Variants in CSMD2 observed in about 807,000 individuals in gnomAD.
CSMD2 encodes the protein CUB and sushi domain-containing protein 2.
In CSMD2, 130 loss-of-function variants were observed where a neutral mutation model predicts 398.5. That is an observed-to-expected ratio of 0.33 (90% CI 0.28 to 0.38). CSMD2 has a LOEUF of 0.38. CSMD2 is among the 10% of genes least tolerant of loss of function. CSMD2 has a pLI of 1.00. For missense variants in CSMD2, 3,829 were observed against 4,764.9 expected (o/e 0.80, Z 5.78); for synonymous variants, 1,828 against 1,908.5 (o/e 0.96, Z 1.10).
At chr1:33,942,494 C>T (rs1454784099) in intron 3 of CSMD2, among the ~76,000 whole-genome samples, 1 of 152,250 alleles carries the variant, frequency 6.6e-6, no homozygotes, top group East Asian at 1.9e-4. Context: ...GTCAGAGGGC[C>T]CCGCCCTGCT....
In CSMD2 at chr1:33,682,551, C is replaced by T. The variant is rs192349817; in HGVS notation, c.4052+10379G>A. 2.6e-5 allele frequency among the ~76,000 whole-genome samples: 4 copies of T among 152,302 alleles called. No homozygotes were observed. In the East Asian group the frequency reaches 7.7e-4, roughly 29 times the overall value. On this transcript the variant is annotated intron_variant, in intron 25 of 70. Coordinates refer to ENST00000373381, the MANE Select transcript of CSMD2 (RefSeq NM_001281956.2). ...TCAACAATTCTTGAGGCCAATAGCA[C>T]CACTGACTTTGGACTTTGGTATTAT...
intron 25 of CSMD2, among the ~76,000 whole-genome samples, chr1:33,679,581 A>G (rs1644835647): frequency 6.6e-6 from 1 of 152,222 alleles, no homozygotes; most frequent in African/African-American, 2.4e-5. Context: ...TGTAATTTCA[A>G]TCTATCAAGC....
upstream of CSMD2, chr1:34,165,288 T>C: frequency 8.3e-7 from 1 of 1,203,912 alleles, no homozygotes; most frequent in Non-Finnish European, 1.0e-6. Flanking sequence ...AATGACTCGC[T>C]CCAATCCCGC....
intron 10 of CSMD2, among the ~76,000 whole-genome samples, chr1:33,798,125 A>G (rs951090725): frequency 6.6e-6 from 1 of 152,084 alleles, no homozygotes; most frequent in Non-Finnish European, 1.5e-5. Flanking sequence ...GCCTTTGTTT[A>G]AAGACAGGCT....
intron 5 of CSMD2, among the ~76,000 whole-genome samples, chr1:33,912,304 A>G (rs547304500): frequency 3.9e-5 from 6 of 152,190 alleles, no homozygotes; most frequent in African/African-American, 1.2e-4. Flanking sequence ...GCCAAAACTA[A>G]CCCACAGAGT....
At chr1:33,657,476 A>C (rs1643983331) in intron 27 of CSMD2, among the ~76,000 whole-genome samples, 2 of 152,208 alleles carry the variant, frequency 1.3e-5, no homozygotes, top group African/African-American at 4.8e-5. Context: ...TCTATCTCTA[A>C]AACCTAAAAG....
intron 5 of CSMD2, among the ~76,000 whole-genome samples, chr1:33,898,128 C>T (rs1299226453): frequency 6.6e-6 from 1 of 152,176 alleles, no homozygotes; most frequent in Non-Finnish European, 1.5e-5. Context: ...GATGGCATTT[C>T]CTGCCAGCTC....
chr1:33,595,449 TC>T (rs1263259362), intron 44 of CSMD2, among the ~76,000 whole-genome samples: 1 of 152,214 alleles, frequency 6.6e-6, no homozygotes, highest in Non-Finnish European at 1.5e-5. Context: ...CTTCTCCACT[TC>T]TTTTTCCCTT....
At chr1:33,619,140 C>T (rs1362697249) in intron 37 of CSMD2, among the ~76,000 whole-genome samples, 1 of 152,226 alleles carries the variant, frequency 6.6e-6, no homozygotes, top group Non-Finnish European at 1.5e-5. Context: ...TGTCCAGGGG[C>T]AAGGGCCAGA....
chr1:33,797,795 T>C (rs925831256), intron 10 of CSMD2, among the ~76,000 whole-genome samples: 15 of 152,172 alleles, frequency 9.9e-5, no homozygotes, highest in Admixed American at 3.3e-4. Context: ...ATTCTCACCA[T>C]ATCAGCCCCT....
Position 34,080,205 on chromosome 1 carries a change from C to T in CSMD2, c.404+8772G>A, listed in dbSNP as rs577935108. ...AATATATATATACATATACAAAATT[C>T]ACTCTGAAGATCTAATGTTTGAAAA... On this transcript the variant is annotated intron_variant, in intron 2 of 70. Transcript: ENST00000373381. Among the ~76,000 whole-genome samples, 84 of 148,802 alleles carry T rather than the reference C, an allele frequency of 5.6e-4. 1 individual carries two copies. The South Asian group carries it at 0.018, about 31-fold the overall frequency.
At chr1:33,768,546 G>A (rs1243634883) in intron 13 of CSMD2, among the ~76,000 whole-genome samples, 3 of 127,308 alleles carry the variant, frequency 2.4e-5, no homozygotes, top group African/African-American at 8.3e-5. Context: ...ATGTGTGTGT[G>A]TGTGTGTGTG....
At chr1:33,775,654 T>A (rs1312872813) in intron 12 of CSMD2, among the ~76,000 whole-genome samples, 2 of 152,172 alleles carry the variant, frequency 1.3e-5, no homozygotes, top group Non-Finnish European at 2.9e-5. Context: ...CAGTAGGGGA[T>A]GCTGAGTTTT....
Position 33,635,496 on chromosome 1 carries a change from A to G in CSMD2, c.4970-166T>C, listed in dbSNP as rs151280573. Among the ~76,000 whole-genome samples the G allele has an allele frequency of 2.2e-3, 330 of 152,338 alleles. 2 individuals carry two copies. The highest frequency in any genetic ancestry group is 7.4e-3 in the African/African-American group (306 of 41,588). On this transcript the variant is annotated intron_variant, in intron 30 of 70. Transcript: ENST00000373381. This position sits in a 1 kb window ranked among gnomAD's most constrained non-coding sequence, Gnocchi z 5.0. ...TCCTGCGGACCCTGCCCTGCCCAAG[A>G]ACGTGCACCCCTGGCCTGGCATGTA...
At chr1:33,780,782 G>A (rs942692101) in intron 12 of CSMD2, among the ~76,000 whole-genome samples, 1 of 152,174 alleles carries the variant, frequency 6.6e-6, no homozygotes. Flanking sequence ...GGCTCCCAGT[G>A]CCTGAAAAAC....
chr1:33,526,724 G>T (rs1405744849), intron 65 of CSMD2, among the ~76,000 whole-genome samples: 1 of 152,246 alleles, frequency 6.6e-6, no homozygotes, highest in South Asian at 2.1e-4. Context: ...GTAAATAAAA[G>T]TAGAAGGTTC....
intron 4 of CSMD2, among the ~76,000 whole-genome samples, chr1:33,929,359 T>G (rs1644235779): frequency 6.6e-6 from 1 of 151,734 alleles, no homozygotes. Context: ...TTAAAAAAAT[T>G]AAGTTAAATT....
chr1:33,925,470 G>A (rs576136559), intron 4 of CSMD2, among the ~76,000 whole-genome samples: 4 of 152,308 alleles, frequency 2.6e-5, no homozygotes, highest in Non-Finnish European at 4.4e-5. Context: ...TTTGAAGCCA[G>A]GTAGAATGAT....
chr1:33,818,955 A>G (rs1048148735), intron 9 of CSMD2, among the ~76,000 whole-genome samples: 3 of 152,206 alleles, frequency 2.0e-5, no homozygotes, highest in African/African-American at 7.2e-5. Flanking sequence ...AGTGGGCAAC[A>G]TATCTTCTCC....
Sources: gnomAD v4.1 joint callset for allele counts (sites outside exome capture counted in the v4.1 genomes callset) on GRCh38, gnomAD v4.1.1 for gene constraint, Gnocchi (gnomAD v3.1) non-coding constraint, MANE v1.5 for transcripts, NCBI Gene and HGNC (gene_info 2026-07-23, HGNC 2026-07-21) for gene names.